The following CLRN1 variants were observed in gnomAD, a reference collection of about 807,000 sequenced individuals.
The protein encoded by CLRN1 is clarin 1, also known as clarin-1.
A neutral mutation model predicts 18.7 loss-of-function variants in CLRN1; 15 were observed. The observed-to-expected ratio is 0.80, with a 90% CI of 0.54 to 1.23. The LOEUF is 1.23. Ranked by LOEUF, CLRN1 falls within the 50% of genes most tolerant of loss-of-function variation. The probability of loss-of-function intolerance (pLI) is 0.00; values close to 1 mark genes in which losing one functional copy is unlikely to be tolerated. For missense variants in CLRN1, 311 were observed against 277.5 expected (o/e 1.12, Z -0.86); for synonymous variants, 104 against 102.9 (o/e 1.01, Z -0.07).
chr3:150,938,902 T>A (rs1713642255), intron 2 of CLRN1, among the ~76,000 whole-genome samples: 2 of 152,258 alleles, frequency 1.3e-5, no homozygotes, highest in Non-Finnish European at 2.9e-5. Context: ...AGATAGGATC[T>A]GGGATTTGGA....
intron 2 of CLRN1, among the ~76,000 whole-genome samples, chr3:150,939,794 G>A (rs1473035952): frequency 2.0e-5 from 3 of 152,184 alleles, no homozygotes; most frequent in African/African-American, 7.2e-5. Context: ...TGTTTGGTGA[G>A]CAGAAGTAAT....
At chr3:150,946,559 T>C (rs1054626891) in intron 1 of CLRN1, among the ~76,000 whole-genome samples, 16 of 27,990 alleles carry the variant, frequency 5.7e-4, no homozygotes, top group Non-Finnish European at 1.6e-3. Flanking sequence ...CAAAAATACT[T>C]TTTTTTTAAT....
At position 150,927,555 on chromosome 3, in the gene CLRN1, T is replaced by C. The variant is rs1469533733; in HGVS notation, c.*381A>G. ...TGAAATCTGGCAACAAATGTGTGGA[T>C]ATATTAGAGATATTATTTGTTTTTA... On this transcript the variant is annotated 3_prime_UTR_variant, in exon 3 of 3. Coordinates refer to ENST00000327047, the MANE Select transcript of CLRN1 (RefSeq NM_174878.3). 1 of 458,912 alleles carries C rather than the reference T, an allele frequency of 2.2e-6. No individual in the cohort carries two copies. The highest frequency in any genetic ancestry group is 4.3e-6 in the Non-Finnish European group (1 of 231,054). 28.4% of individuals were successfully genotyped at this position (458,912 alleles called of 1,614,324 possible).
chr3:150,971,306 C>G (rs936613704), intron 1 of CLRN1, among the ~76,000 whole-genome samples: 2 of 152,126 alleles, frequency 1.3e-5, no homozygotes, highest in Admixed American at 1.3e-4. Flanking sequence ...AATTAAAAAG[C>G]TAACAACCAA....
intron 1 of CLRN1, among the ~76,000 whole-genome samples, chr3:150,947,321 A>C (rs4680076): frequency 0.48 from 73,460 of 152,060 alleles, 19,077 homozygotes; most frequent in East Asian, 0.6. Flanking sequence ...AGGGCGTTAC[A>C]TAATGGTAAA....
rs4680058 is a variant in CLRN1 at position 150,927,564 on chromosome 3, G to A, written c.*372C>T. ...GCAACAAATGTGTGGATATATTAGA[G>A]ATATTATTTGTTTTTATTAAAATAT... On this transcript the variant is annotated 3_prime_UTR_variant, in exon 3 of 3. Coordinates refer to ENST00000327047, the MANE Select transcript of CLRN1 (RefSeq NM_174878.3). The A allele has an allele frequency of 0.71, 325,222 of 459,622 alleles. 117,380 individuals carry two copies. Among genetic ancestry groups the A allele is most frequent in the African/African-American group, 0.92 (46,388 of 50,244 alleles). 28.5% of individuals were successfully genotyped at this position (459,622 alleles called of 1,614,324 possible).
At chr3:150,956,771 C>G (rs895411233) in intron 1 of CLRN1, among the ~76,000 whole-genome samples, 13 of 152,186 alleles carry the variant, frequency 8.5e-5, no homozygotes, top group African/African-American at 2.9e-4. Context: ...AGCCTCTGAT[C>G]TGTGGGCCCA....
intron 1 of CLRN1, among the ~76,000 whole-genome samples, chr3:150,949,004 A>G (rs1160286388): frequency 6.6e-6 from 1 of 152,144 alleles, no homozygotes; most frequent in East Asian, 1.9e-4. Flanking sequence ...AAAAAGCTAA[A>G]CCACCACAAT....
chr3:150,972,895 C>T (rs1190778858), upstream of CLRN1: 1 of 766,070 alleles, frequency 1.3e-6, no homozygotes, highest in Non-Finnish European at 2.2e-6. Flanking sequence ...CATCATCACT[C>T]ATACTTGGCT....
intron 1 of CLRN1, among the ~76,000 whole-genome samples, chr3:150,943,135 A>G (rs1176512113): frequency 1.3e-5 from 2 of 152,170 alleles, no homozygotes; most frequent in African/African-American, 4.8e-5. Context: ...ACTTTATAGG[A>G]GAGCTGTTAT....
chr3:150,950,756 A>G (rs1714440792), intron 1 of CLRN1, among the ~76,000 whole-genome samples: 1 of 152,230 alleles, frequency 6.6e-6, no homozygotes, highest in African/African-American at 2.4e-5. Flanking sequence ...TTCTGCAAAG[A>G]GCTAAAAGCA....
At chr3:150,928,957 G>T (rs1000151955) in intron 2 of CLRN1, among the ~76,000 whole-genome samples, 2 of 152,124 alleles carry the variant, frequency 1.3e-5, no homozygotes, top group African/African-American at 4.8e-5. Flanking sequence ...AAATATGGAT[G>T]CAATGGCTGG....
At chr3:150,947,061 T>C (rs1714215453) in intron 1 of CLRN1, among the ~76,000 whole-genome samples, 1 of 152,058 alleles carries the variant, frequency 6.6e-6, no homozygotes, top group Non-Finnish European at 1.5e-5. Context: ...ATAGATTTTA[T>C]TGGTTATGTT....
intron 1 of CLRN1, among the ~76,000 whole-genome samples, chr3:150,965,576 C>T (rs1004683470): frequency 6.6e-6 from 1 of 152,064 alleles, no homozygotes; most frequent in Non-Finnish European, 1.5e-5. Context: ...AGATGAGTCA[C>T]CTTCAGAAAT....
At chr3:150,968,701 A>G (rs1288042626) in intron 1 of CLRN1, among the ~76,000 whole-genome samples, 1 of 152,250 alleles carries the variant, frequency 6.6e-6, no homozygotes, top group Non-Finnish European at 1.5e-5. Context: ...ACTAACACAC[A>G]TACAAGTGTA....
intron 2 of CLRN1, among the ~76,000 whole-genome samples, chr3:150,937,511 A>C (rs765648304): frequency 3.9e-5 from 6 of 152,240 alleles, no homozygotes; most frequent in Non-Finnish European, 8.8e-5. Flanking sequence ...ACCTGAGATC[A>C]GTAGTTTTAG....
In CLRN1 at chr3:150,927,020, C is replaced by G; in HGVS notation, c.*916G>C. 7.1e-7 allele frequency: 1 copy of G among 1,409,542 alleles called. No homozygotes were observed. The highest frequency in any genetic ancestry group is 9.8e-7 in the Non-Finnish European group (1 of 1,022,914). 87.3% of individuals were successfully genotyped at this position (1,409,542 alleles called of 1,614,324 possible). On this transcript the variant is annotated 3_prime_UTR_variant, in exon 3 of 3. Transcript: ENST00000327047. ...ATTTTCATAATTGCATATTAGTACT[C>G]GAGACACTATAGCTAGAAAAACAGC...
intron 1 of CLRN1, among the ~76,000 whole-genome samples, chr3:150,951,978 G>T (rs1471055915): frequency 1.3e-5 from 2 of 152,162 alleles, no homozygotes; most frequent in Non-Finnish European, 2.9e-5. Context: ...TGAGATTTGG[G>T]CAGGGACGAC....
intron 2 of CLRN1, among the ~76,000 whole-genome samples, chr3:150,934,468 A>G (rs1337454418): frequency 6.6e-6 from 1 of 152,188 alleles, no homozygotes; most frequent in Non-Finnish European, 1.5e-5. Context: ...ATCATTGCAA[A>G]TGGTAACAAA....
Sources: gnomAD v4.1 joint callset for allele counts (sites outside exome capture counted in the v4.1 genomes callset) on GRCh38, gnomAD v4.1.1 for gene constraint, MANE v1.5 for transcripts, NCBI Gene and HGNC (gene_info 2026-07-23, HGNC 2026-07-21) for gene names.